Variants in FAM184A observed in about 807,000 individuals in gnomAD.
FAM184A encodes the protein protein FAM184A.
In FAM184A, 99 loss-of-function variants were observed where a neutral mutation model predicts 143.8. The observed-to-expected ratio is 0.69, with a 90% confidence interval of 0.58 to 0.81. The LOEUF (loss-of-function observed/expected upper bound fraction) is 0.81. FAM184A is among the 40% of genes least tolerant of loss of function. The pLI is 0.00. For missense variants in FAM184A, 1,217 were observed against 1,310.5 expected, an observed-to-expected ratio of 0.93 and a Z score of 1.10; for synonymous variants, 427 against 446.4, an observed-to-expected ratio of 0.96 and a Z score of 0.55.
At chr6:119,146,910 A>ACC (rs71015021) in intron 1 of FAM184A, among the ~76,000 whole-genome samples, 53,257 of 151,100 alleles carry the variant, frequency 0.35, 9,687 homozygotes, top group East Asian at 0.53. Flanking sequence ...AGAGATGTGC[A>ACC]CCCCCAGGCT....
intron 1 of FAM184A, among the ~76,000 whole-genome samples, chr6:119,105,881 T>C (rs1409342856): frequency 6.6e-6 from 1 of 152,184 alleles, no homozygotes; most frequent in African/African-American, 2.4e-5. Context: ...CCCAGATGCA[T>C]AGTTAGTTGG....
chr6:118,987,212 G>A (rs1039055226), intron 9 of FAM184A, among the ~76,000 whole-genome samples: 3 of 152,074 alleles, frequency 2.0e-5, no homozygotes, highest in Admixed American at 6.6e-5. Context: ...ATACCTATTC[G>A]TTTACATACT....
At chr6:118,979,645 G>A in intron 10 of FAM184A, 127 bp from the exon 11 acceptor site, 1 of 684,816 alleles carries the variant, frequency 1.5e-6, no homozygotes, top group Middle Eastern at 3.3e-4. Context: ...TCATTTTCAA[G>A]AAAACTAGAC....
chr6:119,007,113 T>G (rs117806674), intron 6 of FAM184A, among the ~76,000 whole-genome samples: 191 of 152,312 alleles, frequency 1.3e-3, no homozygotes, highest in Non-Finnish European at 2.2e-3. Flanking sequence ...CATACAAAAT[T>G]TCTCATTAAA....
At chr6:119,133,884 A>G (rs749091847) in intron 1 of FAM184A, among the ~76,000 whole-genome samples, 4 of 151,348 alleles carry the variant, frequency 2.6e-5, no homozygotes, top group Non-Finnish European at 5.9e-5. Flanking sequence ...CTCAAACTCA[A>G]GTTTGATCTT....
intron 1 of FAM184A, among the ~76,000 whole-genome samples, chr6:119,061,345 T>C (rs1787228287): frequency 6.6e-6 from 1 of 151,828 alleles, no homozygotes; most frequent in Non-Finnish European, 1.5e-5. Flanking sequence ...GAGCCAGGAT[T>C]ACTTTTCTTT....
At chr6:118,975,238 G>T in intron 12 of FAM184A, 30 bp from the exon 13 acceptor site, 4 of 1,423,382 alleles carry the variant, frequency 2.8e-6, no homozygotes, top group Non-Finnish European at 2.8e-6. Flanking sequence ...ATTTTTAGAA[G>T]TTTTCTACAT....
chr6:119,001,466 G>A (rs1784753884), intron 9 of FAM184A, among the ~76,000 whole-genome samples: 1 of 151,840 alleles, frequency 6.6e-6, no homozygotes, highest in Admixed American at 6.6e-5. Context: ...AAAAACTGGA[G>A]CTAATATGTA....
At chr6:118,973,814 C>G (rs1377875115) in intron 14 of FAM184A, among the ~76,000 whole-genome samples, 1 of 152,136 alleles carries the variant, frequency 6.6e-6, no homozygotes, top group Non-Finnish European at 1.5e-5. Context: ...TTTAACAATA[C>G]TGTAGTTACT....
intron 1 of FAM184A, among the ~76,000 whole-genome samples, chr6:119,122,229 G>T (rs1244131175): frequency 3.3e-5 from 5 of 152,178 alleles, no homozygotes; most frequent in African/African-American, 9.7e-5. Context: ...TCAGGGAGAA[G>T]CGGAAAAAGG....
intron 1 of FAM184A, among the ~76,000 whole-genome samples, chr6:119,142,740 C>T (rs187486175): frequency 1.2e-4 from 18 of 152,198 alleles, no homozygotes; most frequent in African/African-American, 3.4e-4. Flanking sequence ...TGTGTCTCCC[C>T]GAAAGATATG....
intron 1 of FAM184A, among the ~76,000 whole-genome samples, chr6:119,096,977 T>C (rs1788526436): frequency 6.6e-6 from 1 of 152,116 alleles, no homozygotes; most frequent in Non-Finnish European, 1.5e-5. Context: ...CATTTGAAGA[T>C]TTTATTGTGT....
At chr6:118,972,153 T>C (rs1583768238) in intron 14 of FAM184A, among the ~76,000 whole-genome samples, 1 of 152,246 alleles carries the variant, frequency 6.6e-6, no homozygotes, top group Admixed American at 6.5e-5. Context: ...GCAGGCTGCA[T>C]TTAAGGATAT....
In FAM184A at chr6:118,961,861, G is replaced by A; in HGVS notation, c.3241C>T (p.Leu1081=). The change falls in exon 17 of 18, where the codon CTG becomes TTG. Residue 1081 remains leucine, a synonymous_variant. Transcript: ENST00000338891. ...ACTGGAGAATTAGGAATGGGATCCA[G>A]GCGGTTAGGATGTCCATTGCCCACT... ...GGVGNGHPNR[L]DPIPNSPVHD... 1 of 1,613,932 alleles carries A rather than the reference G, an allele frequency of 6.2e-7. No homozygotes were observed. The highest frequency in any genetic ancestry group is 8.5e-7 in the Non-Finnish European group (1 of 1,179,886).
chr6:118,966,984 A>G (rs776524710), intron 14 of FAM184A, 32 bp from the exon 15 acceptor site: 1 of 1,028,296 alleles, frequency 9.7e-7, no homozygotes, highest in Admixed American at 1.9e-5. Flanking sequence ...GCTCATTGAT[A>G]TCACTCAGAT....
intron 1 of FAM184A, among the ~76,000 whole-genome samples, chr6:119,120,559 C>T (rs775087936): frequency 5.9e-5 from 9 of 152,166 alleles, no homozygotes; most frequent in Non-Finnish European, 1.2e-4. Context: ...CTATGTTTCA[C>T]ATTTTAAGGA....
intron 1 of FAM184A, among the ~76,000 whole-genome samples, chr6:119,102,889 G>T (rs1255106814): frequency 6.6e-6 from 1 of 151,704 alleles, no homozygotes; most frequent in East Asian, 1.9e-4. Flanking sequence ...AGACCTGCCA[G>T]GAAATGCTAC....
At chr6:119,065,010 C>T (rs1330503367) in intron 1 of FAM184A, among the ~76,000 whole-genome samples, 1 of 152,156 alleles carries the variant, frequency 6.6e-6, no homozygotes, top group African/African-American at 2.4e-5. Flanking sequence ...CCAACTAAAA[C>T]TCTCAGAACT....
intron 1 of FAM184A, among the ~76,000 whole-genome samples, chr6:119,063,750 C>G (rs1341003564): frequency 6.6e-6 from 1 of 151,312 alleles, no homozygotes; most frequent in South Asian, 2.1e-4. Context: ...GTATTCCTCC[C>G]TCATAATAAA....
Sources: allele counts gnomAD v4.1 joint callset (sites outside exome capture counted in the v4.1 genomes callset), GRCh38; gene constraint gnomAD v4.1.1; transcripts MANE v1.5; gene names NCBI Gene and HGNC (gene_info 2026-07-23, HGNC 2026-07-21).